The following RAB27A variants were observed in gnomAD, a reference collection of about 807,000 sequenced individuals.
The protein encoded by RAB27A is RAB27A, member RAS oncogene family.
In RAB27A, 17 loss-of-function variants were observed where a neutral mutation model predicts 20.8. That is an observed-to-expected ratio of 0.82 (90% confidence interval 0.56 to 1.23). The LOEUF (loss-of-function observed/expected upper bound fraction) is 1.23, where lower values mean the gene tolerates loss of function less well. Among genes scored for constraint, RAB27A ranks in the 50% most tolerant of loss-of-function variants. RAB27A has a pLI of 0.00. For synonymous variants in RAB27A, 85 were observed against 92.8 expected (o/e 0.92, Z 0.48); for missense variants, 277 against 266.7 (o/e 1.04, Z -0.27).
At chr15:55,223,509 A>C (rs79599835) in intron 6 of RAB27A, among the ~76,000 whole-genome samples, 7 of 96,620 alleles carry the variant, frequency 7.2e-5, no homozygotes, top group Non-Finnish European at 1.4e-4. Flanking sequence ...ACTCTGTCTC[A>C]AAAAAAAAAA....
At chr15:55,302,365 T>C (rs2054976036) in intron 2 of RAB27A, among the ~76,000 whole-genome samples, 1 of 151,964 alleles carries the variant, frequency 6.6e-6, no homozygotes, top group Non-Finnish European at 1.5e-5. Flanking sequence ...CGGAGTCTCG[T>C]TCACTCAGTG....
chr15:55,281,648 G>A (rs1251422607), intron 1 of RAB27A, among the ~76,000 whole-genome samples: 1 of 151,854 alleles, frequency 6.6e-6, no homozygotes, highest in Non-Finnish European at 1.5e-5. Context: ...AGGATGTTGA[G>A]GTTGCAGTGA....
chr15:55,287,215 C>T (rs1474554441), intron 1 of RAB27A, among the ~76,000 whole-genome samples: 4 of 151,986 alleles, frequency 2.6e-5, no homozygotes, highest in Non-Finnish European at 5.9e-5. Flanking sequence ...CCACCGCACC[C>T]GGCCTGCTGA....
intron 2 of RAB27A, among the ~76,000 whole-genome samples, chr15:55,311,883 T>C (rs1231273855): frequency 6.6e-6 from 1 of 152,140 alleles, no homozygotes; most frequent in South Asian, 2.1e-4. Context: ...CAAATGTTAC[T>C]GGGGGTCCTT....
intron 2 of RAB27A, among the ~76,000 whole-genome samples, chr15:55,241,626 G>GTGTATATATATATA (rs1566915387): frequency 9.3e-6 from 1 of 107,300 alleles, no homozygotes; most frequent in African/African-American, 5.9e-5. Flanking sequence ...ATATATATAT[G>GTGTATATATATATA]TGTGTATATA....
intron 1 of RAB27A, among the ~76,000 whole-genome samples, chr15:55,318,544 A>T (rs1173408482): frequency 6.6e-6 from 1 of 151,268 alleles, no homozygotes; most frequent in East Asian, 2.0e-4. Context: ...CTCTACAAAA[A>T]AACACAAAAA....
At chr15:55,303,682 G>A (rs1310245303) in intron 2 of RAB27A, among the ~76,000 whole-genome samples, 3 of 118,404 alleles carry the variant, frequency 2.5e-5, no homozygotes, top group Non-Finnish European at 3.6e-5. Flanking sequence ...CCCCCTGCCC[G>A]GCCAGCCGCC....
intron 6 of RAB27A, among the ~76,000 whole-genome samples, chr15:55,207,895 G>A (rs924856271): frequency 1.3e-5 from 2 of 152,102 alleles, no homozygotes; most frequent in African/African-American, 4.8e-5. Context: ...GACCTCAAGT[G>A]ATCTGTCTGC....
intron 1 of RAB27A, among the ~76,000 whole-genome samples, chr15:55,316,029 T>C (rs914084561): frequency 1.3e-5 from 2 of 152,060 alleles, no homozygotes; most frequent in Non-Finnish European, 2.9e-5. Flanking sequence ...GTCAGCAGAT[T>C]GAAACCATTC....
chr15:55,270,067 T>C (rs1250743781), intron 2 of RAB27A, 98 bp downstream of exon 2: 2 of 152,138 alleles, frequency 1.3e-5, no homozygotes, highest in Non-Finnish European at 2.9e-5. Context: ...TGCAATGGTA[T>C]TGTATGTTAT....
intron 6 of RAB27A, among the ~76,000 whole-genome samples, chr15:55,216,314 G>T (rs1377988916): frequency 6.6e-6 from 1 of 152,096 alleles, no homozygotes; most frequent in Non-Finnish European, 1.5e-5. Flanking sequence ...CAGGGTCGGA[G>T]TTGAGGTCAG....
intron 2 of RAB27A, among the ~76,000 whole-genome samples, chr15:55,304,761 CTT>C (rs1047844436): frequency 2.6e-5 from 4 of 152,064 alleles, no homozygotes; most frequent in African/African-American, 9.7e-5. Context: ...TTAATGGACA[CTT>C]GGGTTTTTTC....
chr15:55,233,642 G>A (rs886663451), intron 3 of RAB27A, among the ~76,000 whole-genome samples: 1 of 152,102 alleles, frequency 6.6e-6, no homozygotes, highest in African/African-American at 2.4e-5. Flanking sequence ...AATTCATGGT[G>A]GCTAAGGGGA....
intron 2 of RAB27A, among the ~76,000 whole-genome samples, chr15:55,258,528 G>C (rs966667118): frequency 6.6e-6 from 1 of 152,212 alleles, no homozygotes; most frequent in African/African-American, 2.4e-5. Context: ...ACCAGGGGGA[G>C]TCACCTCCTC....
At chr15:55,262,504 T>C (rs1897308915) in intron 2 of RAB27A, among the ~76,000 whole-genome samples, 1 of 145,842 alleles carries the variant, frequency 6.9e-6, no homozygotes. Context: ...ATCACGCCAC[T>C]GCACTCCAGC....
chr15:55,231,130 T>C lies in RAB27A; in HGVS notation c.154-644A>G, dbSNP rs560802058. Among the ~76,000 whole-genome samples, 34 of 152,350 alleles carry C rather than the reference T, an allele frequency of 2.2e-4. No individual in the cohort carries two copies. In the South Asian group the frequency reaches 6.8e-3, roughly 31 times the overall value. ...ATAATGGTCCCCAGCTCTATCCATG[T>C]TGCTGCAAAAGACATAATTTCACTT... is the stretch of plus-strand genomic sequence containing the variant. On this transcript the variant is annotated intron_variant, in intron 3 of 6. Transcript: ENST00000336787.
At chr15:55,303,869 G>C (rs1328489234) in intron 2 of RAB27A, among the ~76,000 whole-genome samples, 6 of 132,810 alleles carry the variant, frequency 4.5e-5, no homozygotes, top group African/African-American at 9.0e-5. Flanking sequence ...CAGCCAGCCG[G>C]CCCGTCCGGG....
intron 1 of RAB27A, chr15:55,317,832 A>C (rs2055063673): frequency 2.5e-6 from 1 of 396,920 alleles, no homozygotes; most frequent in Admixed American, 4.4e-5. Context: ...CTGGTTTTGG[A>C]AAGTCACACT....
intron 3 of RAB27A, among the ~76,000 whole-genome samples, chr15:55,233,467 G>T (rs149228839): frequency 6.6e-6 from 1 of 152,098 alleles, no homozygotes; most frequent in Non-Finnish European, 1.5e-5. Context: ...ACAAAATGGT[G>T]TATCAATACA....
Sources: gnomAD v4.1 joint callset for allele counts (sites outside exome capture counted in the v4.1 genomes callset) on GRCh38, gnomAD v4.1.1 for gene constraint, MANE v1.5 for transcripts, NCBI Gene and HGNC (gene_info 2026-07-23, HGNC 2026-07-21) for gene names.